ZFHX3: variants seen among roughly 807,000 people sequenced by gnomAD.
The protein encoded by ZFHX3 is zinc finger homeobox 3.
In ZFHX3, 42 loss-of-function variants were observed where a neutral mutation model predicts 279.1. That is an observed-to-expected ratio of 0.15 (90% CI 0.12 to 0.19). The LOEUF is 0.19. Ranked by LOEUF, ZFHX3 falls within the 10% of genes least tolerant of loss-of-function variation. ZFHX3 has a pLI of 1.00. For synonymous variants in ZFHX3, 2,293 were observed against 1,957.8 expected (o/e 1.17, Z -4.52); for missense variants, 4,981 against 4,754.0 (o/e 1.05, Z -1.40).
intron 1 of ZFHX3, among the ~76,000 whole-genome samples, chr16:73,736,103 A>G (rs190159447): frequency 2.0e-5 from 3 of 152,188 alleles, no homozygotes; most frequent in East Asian, 3.9e-4. Flanking sequence ...GCAGCATGCC[A>G]TCTTTTCTTT....
At chr16:73,168,809 C>T (rs1481515130) in intron 5 of ZFHX3, among the ~76,000 whole-genome samples, 1 of 152,096 alleles carries the variant, frequency 6.6e-6, no homozygotes, top group Non-Finnish European at 1.5e-5. Flanking sequence ...CAATACCGAC[C>T]GTCCACTCCG....
chr16:73,466,272 A>G (rs537741943), intron 2 of ZFHX3, among the ~76,000 whole-genome samples: 1 of 152,290 alleles, frequency 6.6e-6, no homozygotes, highest in South Asian at 2.1e-4. Flanking sequence ...CATTGAGCCC[A>G]GGAGTTCGGT....
At chr16:72,844,826 A>G (rs902827600) in intron 4 of ZFHX3, among the ~76,000 whole-genome samples, 2 of 152,056 alleles carry the variant, frequency 1.3e-5, no homozygotes, top group Non-Finnish European at 2.9e-5. Flanking sequence ...CTCTGTGTCG[A>G]ATGAGAGGCA....
rs117093097 is a variant in ZFHX3, at chr16:73,446,767, A to G, written c.-1291+9236T>C. On this transcript the variant is annotated intron_variant, in intron 3 of 17. Transcript: ENST00000641206. ...GGGTGAAAGGAGGGAGAGAATCAGCAAAAATCAACCATGGGTACTAGACTT... is the reference window on the plus strand; with the variant it reads ...GGGTGAAAGGAGGGAGAGAATCAGCGAAAATCAACCATGGGTACTAGACTT... 9.9e-4 allele frequency among the ~76,000 whole-genome samples: 151 copies of G among 152,308 alleles called. No homozygotes were observed. In the East Asian group the frequency reaches 0.027, roughly 28 times the overall value.
At chr16:72,907,870 G>C (rs1016559836) in intron 3 of ZFHX3, among the ~76,000 whole-genome samples, 32 of 151,942 alleles carry the variant, frequency 2.1e-4, no homozygotes, top group Non-Finnish European at 2.9e-5. Context: ...TTTTAGTAGA[G>C]ATGGGGTCTC....
chr16:73,538,928 A>C (rs1180598034), intron 2 of ZFHX3, among the ~76,000 whole-genome samples: 12 of 152,178 alleles, frequency 7.9e-5, no homozygotes, highest in Admixed American at 7.9e-4. Flanking sequence ...GCATTAGTCA[A>C]ATCCAAAGTC....
chr16:73,314,285 G>A (rs1221650173), intron 4 of ZFHX3, among the ~76,000 whole-genome samples: 1 of 152,146 alleles, frequency 6.6e-6, no homozygotes, highest in Non-Finnish European at 1.5e-5. Flanking sequence ...GAGCCTGCTG[G>A]CCAACCCTGC....
At chr16:73,841,375 C>A (rs1961302834) in intron 1 of ZFHX3, among the ~76,000 whole-genome samples, 1 of 152,128 alleles carries the variant, frequency 6.6e-6, no homozygotes, top group South Asian at 2.1e-4. Context: ...GTTCAGTGAA[C>A]CCAAGAGCCA....
At position 72,795,154 on chromosome 16, in the gene ZFHX3, T is replaced by C; in HGVS notation, c.7528A>G (p.Lys2510Glu). Residue 2510 changes from lysine (K) to glutamate (E), a missense_variant, in exon 9 of 10, where the codon AAG becomes GAG. Physicochemically the swap from Lys to Glu is moderately conservative, Grantham distance 56 (BLOSUM62 1). Around this residue, in one of 7 missense-constraint regions of ZFHX3, gnomAD observed 744 missense variants for 701.3 expected, o/e 1.06. Coordinates refer to ENST00000268489, the MANE Select transcript of ZFHX3 (RefSeq NM_006885.4). The part of the protein sequence containing the change: ...SPSQLSHLPL[K>E]PLHTSTPQQL... ...TGAGGAGTTGATGTGTGGAGGGGCT[T>C]GAGGGGCAGGTGGGAGAGCTGGGAA... The C allele has an allele frequency of 6.2e-7, 1 of 1,608,110 alleles. No homozygotes were observed. The highest frequency in any genetic ancestry group is 1.1e-5 in the South Asian group (1 of 90,708).
intron 3 of ZFHX3, among the ~76,000 whole-genome samples, chr16:72,947,555 CAGG>C (rs1190426168): frequency 6.6e-6 from 1 of 152,122 alleles, no homozygotes; most frequent in Non-Finnish European, 1.5e-5. Context: ...GAAAAAGGAA[CAGG>C]AGGAGAATAA....
chr16:73,205,555 T>C (rs1296032802), intron 5 of ZFHX3, among the ~76,000 whole-genome samples: 1 of 152,132 alleles, frequency 6.6e-6, no homozygotes, highest in Non-Finnish European at 1.5e-5. Flanking sequence ...ATTAAATTAA[T>C]TTAACATGGG....
At chr16:73,249,439 G>T (rs1454539850) in intron 5 of ZFHX3, among the ~76,000 whole-genome samples, 1 of 152,172 alleles carries the variant, frequency 6.6e-6, no homozygotes, top group Non-Finnish European at 1.5e-5. Context: ...CACGGCAGAA[G>T]GTAAAAGGCA....
Position 72,967,242 on chromosome 16 carries a change from G to C in ZFHX3, c.-49-7048C>G, listed in dbSNP as rs80096284. Among the ~76,000 whole-genome samples the C allele has an allele frequency of 3.8e-3, 579 of 152,294 alleles. 5 individuals carry two copies. The highest frequency in any genetic ancestry group is 0.013 in the African/African-American group (559 of 41,560). ...TGGAACTGGGGCTCCTTGGAGACAT[G>C]GCCAATTCTTGGGCTGGAGCAGGAA... On this transcript the variant is annotated intron_variant, in intron 1 of 9. Coordinates refer to ENST00000268489, the MANE Select transcript of ZFHX3 (RefSeq NM_006885.4).
At chr16:72,931,404 T>TACAC (rs59696404) in intron 3 of ZFHX3, among the ~76,000 whole-genome samples, 7,056 of 119,946 alleles carry the variant, frequency 0.059, 294 homozygotes, top group Non-Finnish European at 0.083. Flanking sequence ...TTTATTTCAT[T>TACAC]ACACACACAC....
intron 3 of ZFHX3, among the ~76,000 whole-genome samples, chr16:73,395,332 C>G (rs561728394): frequency 1.3e-5 from 2 of 152,026 alleles, no homozygotes; most frequent in African/African-American, 4.8e-5. Flanking sequence ...GGTGTGGAGG[C>G]GCTTGCCTGT....
chr16:73,291,932 G>A (rs2014782147), intron 4 of ZFHX3, among the ~76,000 whole-genome samples: 1 of 152,062 alleles, frequency 6.6e-6, no homozygotes, highest in African/African-American at 2.4e-5. Flanking sequence ...GTTTGATAAT[G>A]TTTTATTTAC....
intron 4 of ZFHX3, among the ~76,000 whole-genome samples, chr16:72,879,009 T>C (rs1275922821): frequency 6.6e-6 from 1 of 152,142 alleles, no homozygotes; most frequent in African/African-American, 2.4e-5. Context: ...AACGGCCCTG[T>C]GGAGGCTGCC....
intron 3 of ZFHX3, among the ~76,000 whole-genome samples, chr16:73,381,889 C>T (rs942923261): frequency 1.3e-5 from 2 of 152,194 alleles, no homozygotes; most frequent in Non-Finnish European, 2.9e-5. Context: ...CTGTGGACTG[C>T]GGGTTGGACA....
chr16:72,882,458 A>G (rs1420420239), intron 4 of ZFHX3, among the ~76,000 whole-genome samples: 2 of 152,210 alleles, frequency 1.3e-5, no homozygotes, highest in Admixed American at 1.3e-4. Context: ...TAGAACATCA[A>G]AGAATGAGTG....
Sources: gnomAD v4.1 joint callset for allele counts (sites outside exome capture counted in the v4.1 genomes callset) on GRCh38, gnomAD v4.1.1 for gene constraint, gnomAD v4.1.1 regional missense constraint, MANE v1.5 for transcripts, NCBI Gene and HGNC (gene_info 2026-07-23, HGNC 2026-07-21) for gene names.